SPHKAP: variants seen among roughly 807,000 people sequenced by gnomAD.
The protein encoded by SPHKAP is A-kinase anchor protein SPHKAP.
In SPHKAP, 67 loss-of-function variants were observed where a neutral mutation model predicts 137.5. The ratio of observed to expected loss-of-function variants is 0.49; its 90% confidence interval spans 0.40 to 0.60. The LOEUF (loss-of-function observed/expected upper bound fraction) is 0.60. Ranked by LOEUF, SPHKAP falls within the 20% of genes least tolerant of loss-of-function variation. The probability of loss-of-function intolerance (pLI) is 0.00; values close to 1 mark genes in which losing one functional copy is unlikely to be tolerated. For synonymous variants in SPHKAP, 813 were observed against 785.3 expected (o/e 1.04, Z -0.59); for missense variants, 2,097 against 2,069.3 (o/e 1.01, Z -0.26).
chr2:228,027,235 T>C (rs776983776), intron 4 of SPHKAP, among the ~76,000 whole-genome samples: 13 of 152,144 alleles, frequency 8.5e-5, no homozygotes, highest in African/African-American at 1.2e-4. Flanking sequence ...AAATAGTCAT[T>C]TTAAGGCACT....
In SPHKAP at chr2:228,000,458, T is replaced by C. The variant is rs976104273; in HGVS notation, c.4449-4764A>G. Among the ~76,000 whole-genome samples the C allele has an allele frequency of 1.3e-4, 20 of 151,740 alleles. 1 individual carries two copies. Among genetic ancestry groups the C allele is most frequent in the African/African-American group, 4.8e-4 (20 of 41,426 alleles). ...ATGGTGAAACCCCATCTCTACTAAA[T>C]ATACAAAAAATTAGCCGGGCATGGT... On this transcript the variant is annotated intron_variant, in intron 7 of 11. Coordinates refer to ENST00000392056, the MANE Select transcript of SPHKAP (RefSeq NM_001142644.2).
chr2:228,012,500 C>T (rs147367674), intron 7 of SPHKAP, among the ~76,000 whole-genome samples: 38 of 152,284 alleles, frequency 2.5e-4, no homozygotes, highest in African/African-American at 8.9e-4. Flanking sequence ...TCTAAGTAGC[C>T]ACTTTCCCTA....
intron 5 of SPHKAP, among the ~76,000 whole-genome samples, chr2:228,022,646 G>A (rs111965280): frequency 0.01 from 1,551 of 152,202 alleles, 30 homozygotes; most frequent in African/African-American, 0.032. Context: ...TCTCAAAAAG[G>A]CACAGGAGGA....
chr2:228,069,803 C>A (rs1167206189), intron 3 of SPHKAP, among the ~76,000 whole-genome samples: 1 of 152,152 alleles, frequency 6.6e-6, no homozygotes, highest in East Asian at 1.9e-4. Context: ...ATGGCTGGAT[C>A]AAATGTGGAT....
chr2:228,115,023 G>T (rs533003685), intron 2 of SPHKAP, among the ~76,000 whole-genome samples: 1 of 152,132 alleles, frequency 6.6e-6, no homozygotes, highest in Non-Finnish European at 1.5e-5. Flanking sequence ...TGACTAGAGC[G>T]TTGAAAGGTG....
chr2:228,008,781 G>A (rs1221558054), intron 7 of SPHKAP, among the ~76,000 whole-genome samples: 1 of 151,588 alleles, frequency 6.6e-6, no homozygotes, highest in Non-Finnish European at 1.5e-5. Context: ...CTTTGTCAAA[G>A]ATCCATTGAC....
rs185957755 is a variant in SPHKAP at position 228,175,474 on chromosome 2, A to G, written c.32+6093T>C. 4.6e-5 allele frequency among the ~76,000 whole-genome samples: 7 copies of G among 152,336 alleles called. No homozygotes were observed. The East Asian group carries it at 1.4e-3, about 29-fold the overall frequency. ...ACTGGATGTGAAGTGGTATGTTAAA[A>G]TTTGAAGGTAGATTCTGCTTAATAA... On this transcript the variant is annotated intron_variant, in intron 1 of 11. Coordinates refer to ENST00000392056, the MANE Select transcript of SPHKAP (RefSeq NM_001142644.2).
chr2:228,111,996 A>G (rs922430720), intron 2 of SPHKAP, among the ~76,000 whole-genome samples: 2 of 152,124 alleles, frequency 1.3e-5, no homozygotes, highest in Admixed American at 6.6e-5. Flanking sequence ...AAGAGAGGAA[A>G]CTTTTTGTGA....
Position 228,089,280 on chromosome 2 carries a change from T to C in SPHKAP, c.246+19552A>G, listed in dbSNP as rs116771000. On this transcript the variant is annotated intron_variant, in intron 3 of 11. Coordinates refer to ENST00000392056, the MANE Select transcript of SPHKAP (RefSeq NM_001142644.2). Reference sequence around the variant, plus strand: ...TGCATTGTGTCCATGCTCTAGGGACTTGTGAAAGTATGAACTTAAGAGTGA... The same window carrying C: ...TGCATTGTGTCCATGCTCTAGGGACCTGTGAAAGTATGAACTTAAGAGTGA... 2.8e-3 allele frequency among the ~76,000 whole-genome samples: 433 copies of C among 152,328 alleles called. 6 individuals carry two copies. Among genetic ancestry groups the C allele is most frequent in the African/African-American group, 9.2e-3 (381 of 41,562 alleles).
intron 3 of SPHKAP, among the ~76,000 whole-genome samples, chr2:228,100,044 G>T (rs535067462): frequency 2.6e-5 from 4 of 152,116 alleles, no homozygotes; most frequent in Admixed American, 6.5e-5. Flanking sequence ...TAGAGACGGG[G>T]TTTCACCGTG....
intron 1 of SPHKAP, among the ~76,000 whole-genome samples, chr2:228,154,533 T>TATATATATATATATA (rs57634967): frequency 9.7e-4 from 15 of 15,512 alleles, no homozygotes; most frequent in Admixed American, 1.3e-3. Flanking sequence ...TATATATATA[T>TATATATATATATATA]TTTTTTTTTT....
At chr2:228,073,426 A>G (rs900073593) in intron 3 of SPHKAP, among the ~76,000 whole-genome samples, 2 of 152,216 alleles carry the variant, frequency 1.3e-5, no homozygotes, top group South Asian at 4.1e-4. Flanking sequence ...TTATACGGAT[A>G]TGTGCAAGTA....
rs149566220 is a variant in SPHKAP at position 228,090,459 on chromosome 2, G to A, written c.246+18373C>T. ...GAAGAGACTTTGGACACTGGACTTC[G>A]AGTTGATGCTGAAATGAGTTGAGAC... On this transcript the variant is annotated intron_variant, in intron 3 of 11. Coordinates refer to ENST00000392056, the MANE Select transcript of SPHKAP (RefSeq NM_001142644.2). Among the ~76,000 whole-genome samples the A allele has an allele frequency of 1.1e-4, 16 of 152,286 alleles. No individual in the cohort carries two copies. The East Asian group carries it at 2.7e-3, about 26-fold the overall frequency.
chr2:228,091,721 A>G (rs1289229023), intron 3 of SPHKAP, among the ~76,000 whole-genome samples: 1 of 152,192 alleles, frequency 6.6e-6, no homozygotes, highest in Non-Finnish European at 1.5e-5. Flanking sequence ...ACAATGTGAT[A>G]CCACCTTACT....
intron 3 of SPHKAP, among the ~76,000 whole-genome samples, chr2:228,098,507 C>T (rs1316676798): frequency 6.6e-6 from 1 of 151,686 alleles, no homozygotes; most frequent in Non-Finnish European, 1.5e-5. Context: ...CAAACTATCA[C>T]AAGGACAAAA....
Position 228,020,052 on chromosome 2 carries a change from A to G in SPHKAP, c.802T>C (p.Leu268=). The G allele has an allele frequency of 6.2e-7, 1 of 1,614,178 alleles. No homozygotes were observed. The highest frequency in any genetic ancestry group is 8.5e-7 in the Non-Finnish European group (1 of 1,180,024). Residue 268 remains leucine (L), a synonymous_variant, in exon 7 of 12, where the codon TTG becomes CTG. Transcript: ENST00000392056. ...TATTTGTTGATGTATTTGTCTTCCA[A>G]AGCATAAAGCCACTTTTCCTTGTTG... ...NCNKEKWLYA[L]EDKYINKYPT...
At position 228,017,757 on chromosome 2, in the gene SPHKAP, C is replaced by G. The variant is rs1433121045; in HGVS notation, c.3097G>C (p.Asp1033His). 1 of 1,614,176 alleles carries G rather than the reference C, an allele frequency of 6.2e-7. No individual in the cohort carries two copies. The highest frequency in any genetic ancestry group is 8.5e-7 in the Non-Finnish European group (1 of 1,180,034). ...DESMNLEDVP[D>H]SVNLFANEVA... ...TCATTGGCAAAAAGATTGACAGAAT[C>G]TGGGACATCTTCAAGGTTCATGGAC... The change falls in exon 7 of 12, where the codon GAT becomes CAT. Residue 1033 changes from aspartate to histidine, a missense_variant. Transcript: ENST00000392056.
chr2:228,034,832 G>T lies in SPHKAP; in HGVS notation c.247-7289C>A, dbSNP rs144487317. On this transcript the variant is annotated intron_variant, in intron 3 of 11. Coordinates refer to ENST00000392056, the MANE Select transcript of SPHKAP (RefSeq NM_001142644.2). ...AAGGCTTTCGACAAAATTCAACAAC[G>T]CTTCATGCTAAAAACTCTCAATAAA... Among the ~76,000 whole-genome samples, 689 of 152,104 alleles carry T rather than the reference G, an allele frequency of 4.5e-3. 2 individuals are homozygous for T. The highest frequency in any genetic ancestry group is 6.8e-3 in the Non-Finnish European group (463 of 68,006).
chr2:228,068,291 G>A (rs765504541), intron 3 of SPHKAP, among the ~76,000 whole-genome samples: 12 of 151,834 alleles, frequency 7.9e-5, no homozygotes, highest in South Asian at 2.1e-4. Context: ...CTGTTAAAAC[G>A]TCCATACTAT....
Sources: allele counts gnomAD v4.1 joint callset (sites outside exome capture counted in the v4.1 genomes callset), GRCh38; gene constraint gnomAD v4.1.1; transcripts MANE v1.5; gene names NCBI Gene and HGNC (gene_info 2026-07-23, HGNC 2026-07-21).